ARPC4: variants seen among roughly 807,000 people sequenced by gnomAD.
The protein encoded by ARPC4 is actin related protein 2/3 complex subunit 4, also known as actin-related protein 2/3 complex subunit 4.
ARPC4 carries 3 observed loss-of-function variants against 22.8 expected under a neutral mutation model. The ratio of observed to expected loss-of-function variants is 0.13; its 90% CI spans 0.06 to 0.34. ARPC4 has a LOEUF of 0.34. Ranked by LOEUF, ARPC4 falls within the 10% of genes least tolerant of loss-of-function variation. The probability of loss-of-function intolerance (pLI) is 1.00; values close to 1 mark genes in which losing one functional copy is unlikely to be tolerated. For missense variants in ARPC4, 98 were observed against 211.0 expected (o/e 0.46, Z 3.32); for synonymous variants, 80 against 72.5 (o/e 1.10, Z -0.52).
intron 3 of ARPC4, among the ~76,000 whole-genome samples, chr3:9,800,854 CA>C (rs2078992710): frequency 6.6e-6 from 1 of 152,112 alleles, no homozygotes; most frequent in Admixed American, 6.6e-5. Flanking sequence ...GGGAGGTTAA[CA>C]AGTGTTGAGA....
intron 3 of ARPC4, among the ~76,000 whole-genome samples, chr3:9,801,212 GAAA>G (rs745696982): frequency 2.1e-4 from 14 of 66,448 alleles, no homozygotes; most frequent in South Asian, 1.9e-3. Flanking sequence ...TTCCATCTCA[GAAA>G]AAAAAAAAAA....
rs1049681740 is a variant in ARPC4 at position 9,806,305 on chromosome 3, G to C, written c.*90G>C. 1 of 1,477,070 alleles carries C rather than the reference G, an allele frequency of 6.8e-7. No individual in the cohort carries two copies. The highest frequency in any genetic ancestry group is 9.5e-7 in the Non-Finnish European group (1 of 1,055,372). 91.5% of individuals were successfully genotyped at this position (1,477,070 alleles called of 1,614,324 possible). The stretch of plus-strand genomic sequence containing the variant: ...GAGTCACTCCCCGAGCAGCGCGGCG[G>C]CGGCAGGGAGTTGGGTTGGGGTGGG... On this transcript the variant is annotated 3_prime_UTR_variant, in exon 6 of 6. Transcript: ENST00000397261.
chr3:9,802,594 C>A (rs2079034312), intron 4 of ARPC4, among the ~76,000 whole-genome samples: 1 of 151,452 alleles, frequency 6.6e-6, no homozygotes, highest in African/African-American at 2.4e-5. Flanking sequence ...CCAGGATGGT[C>A]TCGATCTCCT....
chr3:9,803,404 A>T (rs1559729864), intron 4 of ARPC4: 5 of 424,940 alleles, frequency 1.2e-5, no homozygotes, highest in Non-Finnish European at 2.4e-5. Context: ...CCTAGATCTA[A>T]CCTCTGGGGC....
Position 9,796,785 on chromosome 3 carries a change from C to CA in ARPC4, c.4-869dup, listed in dbSNP as rs1250557068. On this transcript the variant is annotated intron_variant, in intron 1 of 5. Coordinates refer to ENST00000397261, the MANE Select transcript of ARPC4 (RefSeq NM_005718.5). ...TGAAACCCTGTCTCTACTAAAAATA[C>CA]AAAAAGTTAGCCGGGTGTGGTGGTG... Among the ~76,000 whole-genome samples, 6 of 151,572 alleles carry CA rather than the reference C, an allele frequency of 4.0e-5. No homozygotes were observed. In the East Asian group the frequency reaches 1.2e-3, roughly 29 times the overall value.
chr3:9,802,237 C>CAAA (rs1159841703), intron 4 of ARPC4, among the ~76,000 whole-genome samples: 34 of 50,266 alleles, frequency 6.8e-4, no homozygotes, highest in African/African-American at 1.0e-3. Context: ...GACTCCGTCT[C>CAAA]AAAAAAAAAA....
At chr3:9,796,744 A>G (rs193168974) in intron 1 of ARPC4, among the ~76,000 whole-genome samples, 7 of 152,226 alleles carry the variant, frequency 4.6e-5, no homozygotes, top group Admixed American at 6.5e-5. Flanking sequence ...GATTGAGACC[A>G]TCCTGGCTAA....
upstream of ARPC4, chr3:9,792,695 A>T (rs1396732402): frequency 1.5e-5 from 19 of 1,233,524 alleles, no homozygotes; most frequent in South Asian, 6.6e-4. Context: ...GCCGAGCGCC[A>T]GGAGCTGCGG....
At position 9,801,706 on chromosome 3, in the gene ARPC4, A is replaced by G; in HGVS notation, c.280A>G (p.Met94Val). Residue 94 changes from methionine (M) to valine (V), a missense_variant, in exon 4 of 6, where the codon ATG becomes GTG. By Grantham distance (21) the Met-to-Val change is conservative. Coordinates refer to ENST00000397261, the MANE Select transcript of ARPC4 (RefSeq NM_005718.5). Reference protein sequence around the residue: ...KILCHKFMRFMMMRAENFFIL... With the variant: ...KILCHKFMRFVMMRAENFFIL... ...TTTGTGCCACAAGTTCATGCGCTTCATGATGATGCGAGCAGAGAACTTCTT... is the reference window on the plus strand; with the variant it reads ...TTTGTGCCACAAGTTCATGCGCTTCGTGATGATGCGAGCAGAGAACTTCTT... 1 of 1,610,054 alleles carries G rather than the reference A, an allele frequency of 6.2e-7. No individual in the cohort carries two copies. The highest frequency in any genetic ancestry group is 2.2e-5 in the East Asian group (1 of 44,864).
Position 9,801,765 on chromosome 3 carries a change from C to CTGTGACCCATGAG in ARPC4, c.330+11_330+23dup. The CTGTGACCCATGAG allele has an allele frequency of 6.3e-7, 1 of 1,591,576 alleles. No homozygotes were observed. The highest frequency in any genetic ancestry group is 1.1e-5 in the South Asian group (1 of 88,576). Reference sequence around the variant, plus strand: ...GAAGGAAGCCTGTGGAGGTGAGACCCTGTGACCCATGAGTTTGCGATACCC... The same window carrying CTGTGACCCATGAG: ...GAAGGAAGCCTGTGGAGGTGAGACCCTGTGACCCATGAGTGTGACCCATGAGTTTGCGATACCC... On this transcript the variant is annotated intron_variant, in intron 4 of 5. Coordinates refer to ENST00000397261, the MANE Select transcript of ARPC4 (RefSeq NM_005718.5).
chr3:9,797,849 A>G (rs2078927881), intron 2 of ARPC4, 72 bp downstream of exon 2: 6 of 1,465,952 alleles, frequency 4.1e-6, no homozygotes, highest in Admixed American at 1.9e-5. Context: ...AGAAGGTGCC[A>G]TGAACTTATG....
At chr3:9,805,297 G>A (rs1205852843) in intron 5 of ARPC4, among the ~76,000 whole-genome samples, 1 of 152,198 alleles carries the variant, frequency 6.6e-6, no homozygotes, top group Non-Finnish European at 1.5e-5. Flanking sequence ...CCATGTTAGA[G>A]ATTAATAAAC....
intron 1 of ARPC4, among the ~76,000 whole-genome samples, chr3:9,796,935 T>C (rs184465817): frequency 0.035 from 2,913 of 83,020 alleles, 108 homozygotes; most frequent in African/African-American, 0.12. Context: ...AGCGAGACTC[T>C]GTCTCAAAAA....
At chr3:9,797,132 T>C (rs2078912312) in intron 1 of ARPC4, among the ~76,000 whole-genome samples, 1 of 152,168 alleles carries the variant, frequency 6.6e-6, no homozygotes, top group Non-Finnish European at 1.5e-5. Context: ...AGAGACAGTG[T>C]TAATCATCTT....
chr3:9,804,314 G>T (rs11916534), intron 5 of ARPC4: 3 of 262,342 alleles, frequency 1.1e-5, no homozygotes, highest in East Asian at 7.3e-5. Context: ...CCTCTATCTC[G>T]TTTAAACCCC....
chr3:9,803,408 C>G (rs980882284), intron 4 of ARPC4: 3 of 433,208 alleles, frequency 6.9e-6, no homozygotes, highest in African/African-American at 6.1e-5. Context: ...GATCTAACCT[C>G]TGGGGCCACC....
At chr3:9,803,806 TC>T (rs747392317) in intron 4 of ARPC4, 36 bp from the exon 5 acceptor site, 8 of 1,600,212 alleles carry the variant, frequency 5.0e-6, no homozygotes, top group African/African-American at 2.7e-5. Context: ...TCTCTCCTGT[TC>T]CTTCTCTTCC....
intron 5 of ARPC4, 32 bp downstream of exon 5, chr3:9,804,045 G>A (rs775859651): frequency 6.2e-7 from 1 of 1,609,072 alleles, no homozygotes; most frequent in Admixed American, 1.7e-5. Context: ...TCCTTCCAGA[G>A]GCCAGAGGAT....
intron 5 of ARPC4, among the ~76,000 whole-genome samples, chr3:9,804,962 G>C (rs2079079642): frequency 6.6e-6 from 1 of 152,342 alleles, no homozygotes. Context: ...AGTTTCCTCA[G>C]CTGTGAAATG....
Sources: allele counts gnomAD v4.1 joint callset (sites outside exome capture counted in the v4.1 genomes callset), GRCh38; gene constraint gnomAD v4.1.1; transcripts MANE v1.5; gene names NCBI Gene and HGNC (gene_info 2026-07-23, HGNC 2026-07-21).